Variants in POLR1C observed in about 807,000 individuals in gnomAD.
POLR1C encodes RNA polymerase I and III subunit C, also known as DNA-directed RNA polymerases I and III subunit RPAC1.
A neutral mutation model predicts 38.3 loss-of-function variants in POLR1C; 42 were observed. The observed-to-expected ratio is 1.10, with a 90% CI of 0.86 to 1.42. The LOEUF (loss-of-function observed/expected upper bound fraction) is 1.42. Ranked by LOEUF, POLR1C falls within the 40% of genes most tolerant of loss-of-function variation. The probability of loss-of-function intolerance (pLI) is 0.00; values close to 1 mark genes in which losing one functional copy is unlikely to be tolerated. For synonymous variants in POLR1C, 163 were observed against 163.9 expected (o/e 0.99, Z 0.04); for missense variants, 507 against 450.5 (o/e 1.13, Z -1.14).
intron 9 of POLR1C, chr6:43,539,400 G>C (rs1794555943): frequency 1.3e-6 from 2 of 1,576,650 alleles, no homozygotes; most frequent in Non-Finnish European, 1.7e-6. Flanking sequence ...TCATCCTTGA[G>C]AGAGGCCCCC....
intron 9 of POLR1C, among the ~76,000 whole-genome samples, chr6:43,538,131 AGAGACATC>A (rs1238157769): frequency 6.9e-6 from 1 of 143,888 alleles, no homozygotes; most frequent in Non-Finnish European, 1.5e-5. Context: ...TTAGAGCCTA[AGAGACATC>A]TTTTTTTTTT....
At chr6:43,517,266 T>G in intron 1 of POLR1C, 40 bp from the exon 2 acceptor site, 1 of 1,602,740 alleles carries the variant, frequency 6.2e-7, no homozygotes, top group African/African-American at 1.3e-5. Context: ...AGCTGTGGGC[T>G]CACTGTCCCT....
At chr6:43,519,181 G>A in intron 2 of POLR1C, 152 bp from the exon 3 acceptor site, 1 of 689,140 alleles carries the variant, frequency 1.5e-6, no homozygotes, top group Non-Finnish European at 2.6e-6. Context: ...TTAAAACACT[G>A]GGCGAGATAG....
At chr6:43,554,323 G>A (rs1199484949) in intron 10 of POLR1C, among the ~76,000 whole-genome samples, 1 of 152,036 alleles carries the variant, frequency 6.6e-6, no homozygotes, top group African/African-American at 2.4e-5. Context: ...ATCTTGGCCA[G>A]GCTGGTCTTA....
intron 7 of POLR1C, 42 bp downstream of exon 7, chr6:43,520,816 T>A (rs773752398): frequency 6.2e-7 from 1 of 1,611,590 alleles, no homozygotes; most frequent in African/African-American, 1.3e-5. Context: ...ACCTAAATTA[T>A]ATTTTCTTTC....
At chr6:43,524,948 G>A (rs760633024), downstream of POLR1C, 8 of 1,613,558 alleles carry the variant, frequency 5.0e-6, no homozygotes, top group Middle Eastern at 4.9e-4. Flanking sequence ...CTGCATCTGC[G>A]AGCAGTGTCC....
At position 43,561,057 on chromosome 6, in the gene POLR1C, G is replaced by A. The variant is rs777181975; in HGVS notation, c.*49-343G>A. The A allele has an allele frequency of 7.6e-6, 11 of 1,451,906 alleles. No individual in the cohort carries two copies. The Admixed American group carries it at 1.4e-4, about 18-fold the overall frequency. The allele number at this position is 1,451,906 out of a possible 1,614,324, so 89.9% of individuals were successfully genotyped here. ...ACGGTGTTGATCGAGAAAAGCAGGAGAGGAAAAAGCAGGGAAGTAATAAAA... is the reference window on the plus strand; with the variant it reads ...ACGGTGTTGATCGAGAAAAGCAGGAAAGGAAAAAGCAGGGAAGTAATAAAA... On this transcript the variant is annotated intron_variant, in intron 10 of 10. Transcript: ENST00000607635.
chr6:43,517,790 C>T (rs903968122), intron 2 of POLR1C, among the ~76,000 whole-genome samples: 1 of 151,990 alleles, frequency 6.6e-6, no homozygotes, highest in Non-Finnish European at 1.5e-5. Context: ...TGTTTCAAGT[C>T]AGTGAAGTTC....
At chr6:43,525,896 G>C (rs747237874), downstream of POLR1C, 18 of 1,613,910 alleles carry the variant, frequency 1.1e-5, no homozygotes, top group Non-Finnish European at 1.1e-5. Context: ...CTGAGGGGGT[G>C]ACCTCTGTGG....
In POLR1C at chr6:43,520,436, C is replaced by A. The variant is rs1240585827; in HGVS notation, c.655+9C>A. 6.2e-7 allele frequency: 1 copy of A among 1,613,170 alleles called. No individual in the cohort carries two copies. Among genetic ancestry groups the A allele is most frequent in the Non-Finnish European group, 8.5e-7 (1 of 1,180,020 alleles). On this transcript the variant is annotated intron_variant, in intron 6 of 8. Coordinates refer to ENST00000642195, the MANE Select transcript of POLR1C (RefSeq NM_203290.4). ...CTGTGTCAAGGGCATTGGTGAGAACCCTGTGTGCCTTCCTGGGAAGGGGGA... is the reference window on the plus strand; with the variant it reads ...CTGTGTCAAGGGCATTGGTGAGAACACTGTGTGCCTTCCTGGGAAGGGGGA...
At position 43,521,428 on chromosome 6, in the gene POLR1C, TAC is replaced by T; in HGVS notation, c.*130_*131del. Reference sequence around the variant, plus strand: ...CTGGGACAATTCCAGCTTTAATCAATACATTTTGTTAAATGTGCCATAAAATG... The same window carrying T: ...CTGGGACAATTCCAGCTTTAATCAATATTTTGTTAAATGTGCCATAAAATG... On this transcript the variant is annotated 3_prime_UTR_variant, in exon 9 of 9. Transcript: ENST00000642195. 1.3e-6 allele frequency: 2 copies of T among 1,558,686 alleles called. No individual in the cohort carries two copies. Among genetic ancestry groups the T allele is most frequent in the Non-Finnish European group, 1.7e-6 (2 of 1,154,128 alleles).
chr6:43,558,488 C>T (rs1158528722), intron 10 of POLR1C: 1 of 1,582,736 alleles, frequency 6.3e-7, no homozygotes, highest in Non-Finnish European at 8.6e-7. Flanking sequence ...AATCCAAGGC[C>T]AACATCACTT....
At chr6:43,540,523 C>T (rs560891004) in intron 9 of POLR1C, among the ~76,000 whole-genome samples, 1 of 152,112 alleles carries the variant, frequency 6.6e-6, no homozygotes, top group East Asian at 1.9e-4. Context: ...CATGGTGGCA[C>T]ACACCTGTAA....
chr6:43,525,343 G>C, downstream of POLR1C: 1 of 863,556 alleles, frequency 1.2e-6, no homozygotes, highest in Admixed American at 2.6e-5. Flanking sequence ...TTGTTTTGTT[G>C]CCCAGGCTGG....
chr6:43,535,266 C>A (rs374515141), intron 9 of POLR1C, among the ~76,000 whole-genome samples: 13 of 125,668 alleles, frequency 1.0e-4, no homozygotes, highest in African/African-American at 5.0e-4. Context: ...TCTCAAAAAA[C>A]AACAACAACA....
At chr6:43,552,850 G>A (rs1795314993) in intron 10 of POLR1C, among the ~76,000 whole-genome samples, 1 of 152,186 alleles carries the variant, frequency 6.6e-6, no homozygotes, top group South Asian at 2.1e-4. Flanking sequence ...CTAAAGCAGT[G>A]TGGTACTTAA....
chr6:43,528,268 A>G (rs1170326903), intron 8 of POLR1C: 4 of 1,493,366 alleles, frequency 2.7e-6, no homozygotes, highest in Non-Finnish European at 3.7e-6. Context: ...CATAATATCT[A>G]AAGTCAAGTC....
downstream of POLR1C, chr6:43,524,483 A>C: frequency 6.2e-7 from 1 of 1,613,518 alleles, no homozygotes; most frequent in Non-Finnish European, 8.5e-7. Context: ...CAATGCAACC[A>C]GCAATGAGGC....
At chr6:43,554,832 C>G (rs981371489) in intron 10 of POLR1C, 3 of 152,084 alleles carry the variant, frequency 2.0e-5, no homozygotes, top group African/African-American at 7.2e-5. Flanking sequence ...TACCAAATAT[C>G]AGAGAATTTA....
Sources: allele counts gnomAD v4.1 joint callset (sites outside exome capture counted in the v4.1 genomes callset), GRCh38; gene constraint gnomAD v4.1.1; transcripts MANE v1.5; gene names NCBI Gene and HGNC (gene_info 2026-07-23, HGNC 2026-07-21).